The following PCDH15 variants were observed in gnomAD, a reference collection of about 807,000 sequenced individuals.
The protein encoded by PCDH15 is protocadherin related 15, also known as protocadherin-15.
PCDH15 carries 129 observed loss-of-function variants against 178.5 expected under a neutral mutation model. The observed-to-expected ratio is 0.72, with a 90% CI of 0.63 to 0.84. PCDH15 has a LOEUF of 0.84. Ranked by LOEUF, PCDH15 falls within the 40% of genes least tolerant of loss-of-function variation. The pLI is 0.00. For synonymous variants in PCDH15, 800 were observed against 732.0 expected (o/e 1.09, Z -1.50); for missense variants, 2,230 against 2,099.9 (o/e 1.06, Z -1.21).
intron 2 of PCDH15, among the ~76,000 whole-genome samples, chr10:54,554,014 T>C (rs1037194001): frequency 6.6e-6 from 1 of 152,304 alleles, no homozygotes; most frequent in South Asian, 2.1e-4. Flanking sequence ...TTACAAATAA[T>C]TTACAGTTAA....
intron 25 of PCDH15, among the ~76,000 whole-genome samples, chr10:53,917,603 G>C (rs1249153829): frequency 1.3e-5 from 2 of 152,044 alleles, no homozygotes; most frequent in Admixed American, 6.6e-5. Flanking sequence ...CCTAAACACA[G>C]ACACACACAC....
At chr10:55,537,736 C>T (rs939139425) in intron 2 of PCDH15, among the ~76,000 whole-genome samples, 1 of 152,006 alleles carries the variant, frequency 6.6e-6, no homozygotes, top group African/African-American at 2.4e-5. Flanking sequence ...CCCGGCCACA[C>T]CTGCTATTTA....
intron 2 of PCDH15, among the ~76,000 whole-genome samples, chr10:54,938,116 T>C (rs1837951749): frequency 1.3e-5 from 2 of 152,126 alleles, no homozygotes; most frequent in Admixed American, 1.3e-4. Context: ...CTTTGTGTTC[T>C]TTATTCAGTT....
At chr10:54,037,479 C>T (rs906807133) in intron 18 of PCDH15, among the ~76,000 whole-genome samples, 1 of 151,808 alleles carries the variant, frequency 6.6e-6, no homozygotes, top group African/African-American at 2.4e-5. Flanking sequence ...GCTGAAGGTT[C>T]AGATGATTGA....
At chr10:54,223,304 CA>C (rs57667414) in intron 9 of PCDH15, among the ~76,000 whole-genome samples, 96 of 30,702 alleles carry the variant, frequency 3.1e-3, no homozygotes, top group Middle Eastern at 0.071. Flanking sequence ...AACTACGTCT[CA>C]AAAAAAAAAA....
chr10:55,549,169 TTTG>T (rs201516848), intron 2 of PCDH15, among the ~76,000 whole-genome samples: 1 of 147,872 alleles, frequency 6.8e-6, no homozygotes, highest in African/African-American at 2.5e-5. Context: ...TGTTTGTTTG[TTTG>T]TTTTTTCCCC....
chr10:55,283,968 A>G (rs548294261), intron 1 of PCDH15, among the ~76,000 whole-genome samples: 1 of 148,888 alleles, frequency 6.7e-6, no homozygotes, highest in Non-Finnish European at 1.5e-5. Flanking sequence ...TAAGCTCTAT[A>G]CAATACATGG....
At chr10:53,812,631 AGAT>A (rs1235296716) in intron 35 of PCDH15, among the ~76,000 whole-genome samples, 10 of 152,194 alleles carry the variant, frequency 6.6e-5, no homozygotes, top group African/African-American at 2.4e-4. Context: ...ACTTATAGAA[AGAT>A]GTTTTTCTTG....
At chr10:54,275,340 T>C (rs911021986) in intron 8 of PCDH15, among the ~76,000 whole-genome samples, 3 of 151,888 alleles carry the variant, frequency 2.0e-5, no homozygotes, top group African/African-American at 7.2e-5. Context: ...AGAGGCCATA[T>C]TTTTCTTAAC....
intron 2 of PCDH15, among the ~76,000 whole-genome samples, chr10:54,559,889 G>A (rs1189045058): frequency 2.2e-5 from 3 of 135,922 alleles, no homozygotes; most frequent in Non-Finnish European, 4.8e-5. Context: ...AGAAAAGGTG[G>A]TTTGCTCCCT....
At chr10:54,662,326 A>G (rs1182580376) in intron 2 of PCDH15, among the ~76,000 whole-genome samples, 1 of 152,050 alleles carries the variant, frequency 6.6e-6, no homozygotes, top group Non-Finnish European at 1.5e-5. Flanking sequence ...TCATTAGAGA[A>G]ATGCAAGTTA....
At chr10:53,919,243 C>A (rs1357009032) in intron 25 of PCDH15, among the ~76,000 whole-genome samples, 1 of 152,122 alleles carries the variant, frequency 6.6e-6, no homozygotes, top group Non-Finnish European at 1.5e-5. Flanking sequence ...GAGAAGGGGG[C>A]ATCATTCTGC....
chr10:54,385,396 A>G (rs1366473656), intron 3 of PCDH15, among the ~76,000 whole-genome samples: 3 of 152,138 alleles, frequency 2.0e-5, no homozygotes, highest in South Asian at 2.1e-4. Flanking sequence ...TTTTGTTTCT[A>G]TAGGTAATTT....
intron 2 of PCDH15, among the ~76,000 whole-genome samples, chr10:55,598,656 A>G (rs746662270): frequency 4.6e-5 from 7 of 150,640 alleles, no homozygotes; most frequent in Non-Finnish European, 8.9e-5. Context: ...ATATCTCACA[A>G]TAACCTTCAT....
chr10:54,438,488 C>A (rs12782473), intron 3 of PCDH15, among the ~76,000 whole-genome samples: 72,425 of 151,558 alleles, frequency 0.48, 18,076 homozygotes, highest in Middle Eastern at 0.52. Context: ...TGCACTTGGC[C>A]TATATATAGC....
At chr10:55,511,772 A>G (rs547769876) in intron 2 of PCDH15, among the ~76,000 whole-genome samples, 1 of 152,232 alleles carries the variant, frequency 6.6e-6, no homozygotes, top group East Asian at 1.9e-4. Flanking sequence ...TATGTTCATG[A>G]GAATCATACA....
chr10:53,831,699 T>C (rs576017265), intron 29 of PCDH15, among the ~76,000 whole-genome samples, 166 bp from the exon 30 acceptor site: 73 of 126,158 alleles, frequency 5.8e-4, no homozygotes, highest in African/African-American at 1.9e-3. Flanking sequence ...GCATAAGCAA[T>C]AAAGAAGAGG....
intron 1 of PCDH15, among the ~76,000 whole-genome samples, chr10:54,798,964 T>C (rs747510522): frequency 6.6e-6 from 1 of 152,110 alleles, no homozygotes; most frequent in Non-Finnish European, 1.5e-5. Context: ...AATAAAGTAG[T>C]CACATTTATG....
intron 2 of PCDH15, among the ~76,000 whole-genome samples, chr10:55,045,875 T>C (rs913161618): frequency 1.3e-5 from 2 of 151,992 alleles, no homozygotes; most frequent in Non-Finnish European, 2.9e-5. Context: ...AAAATTAATG[T>C]CCTTTTTCCC....
Sources: gnomAD v4.1 joint callset for allele counts (sites outside exome capture counted in the v4.1 genomes callset) on GRCh38, gnomAD v4.1.1 for gene constraint, MANE v1.5 for transcripts, NCBI Gene and HGNC (gene_info 2026-07-23, HGNC 2026-07-21) for gene names.